Variants in PBRM1 observed in about 807,000 individuals in gnomAD.
The protein encoded by PBRM1 is polybromo 1.
A neutral mutation model predicts 194.5 loss-of-function variants in PBRM1; 27 were observed. That is an observed-to-expected ratio of 0.14 (90% confidence interval 0.10 to 0.19). PBRM1 has a LOEUF of 0.19. PBRM1 is among the 10% of genes least tolerant of loss of function. The probability of loss-of-function intolerance (pLI) is 1.00; values close to 1 mark genes in which losing one functional copy is unlikely to be tolerated. For synonymous variants in PBRM1, 655 were observed against 693.2 expected, an observed-to-expected ratio of 0.94 and a Z score of 0.87; for missense variants, 1,466 against 2,077.2, an observed-to-expected ratio of 0.71 and a Z score of 5.72.
upstream of PBRM1, among the ~76,000 whole-genome samples, chr3:52,683,718 T>C (rs1266387074): frequency 8.6e-5 from 11 of 127,918 alleles, no homozygotes; most frequent in African/African-American, 1.5e-4. Flanking sequence ...CTCGAGAGGG[T>C]GAGGCACGAG....
chr3:52,632,410 C>T (rs2095647405), intron 11 of PBRM1, among the ~76,000 whole-genome samples: 1 of 151,956 alleles, frequency 6.6e-6, no homozygotes, highest in Admixed American at 6.6e-5. Flanking sequence ...AAGACTTGGT[C>T]TCTACAAAAA....
chr3:52,552,414 T>C (rs1327248144), intron 27 of PBRM1, among the ~76,000 whole-genome samples: 1 of 152,170 alleles, frequency 6.6e-6, no homozygotes, highest in Non-Finnish European at 1.5e-5. Flanking sequence ...TTGTAGGCAC[T>C]AAGAGGGGGT....
chr3:52,631,203 ACTCACGCCT>A (rs1367195457), intron 11 of PBRM1, among the ~76,000 whole-genome samples: 12 of 152,028 alleles, frequency 7.9e-5, no homozygotes, highest in Middle Eastern at 6.8e-3. Flanking sequence ...AGGCGTGGTG[ACTCACGCCT>A]GTAATCCCAG....
intron 17 of PBRM1, among the ~76,000 whole-genome samples, chr3:52,591,511 GTTT>G (rs57736913): frequency 0.057 from 4,027 of 71,248 alleles, 32 homozygotes; most frequent in African/African-American, 0.17. Flanking sequence ...TTTTGTCTTT[GTTT>G]TTTTTTTTTT....
At position 52,617,543 on chromosome 3, in the gene PBRM1, T is replaced by TG. The variant is rs2095026759; in HGVS notation, c.1542-6dup. 1 of 1,592,696 alleles carries TG rather than the reference T, an allele frequency of 6.3e-7. No homozygotes were observed. Among genetic ancestry groups the TG allele is most frequent in the East Asian group, 2.2e-5 (1 of 44,770 alleles). On this transcript the variant is annotated splice_polypyrimidine_tract_variant and splice_region_variant and intron_variant, in intron 13 of 29. Transcript: ENST00000296302. ...TGCTTTCTTATGTTCTTTTTACTGT[T>TG]GAGGGGGAGGTAGAAAAGGGGAAAA...
chr3:52,636,165 C>G (rs1215069330), intron 10 of PBRM1, among the ~76,000 whole-genome samples: 1 of 151,934 alleles, frequency 6.6e-6, no homozygotes, highest in Non-Finnish European at 1.5e-5. Context: ...GCCACCACGC[C>G]CAGCCTAGAT....
At chr3:52,659,948 T>G (rs1437193975) in intron 4 of PBRM1, among the ~76,000 whole-genome samples, 1 of 152,096 alleles carries the variant, frequency 6.6e-6, no homozygotes, top group East Asian at 1.9e-4. Flanking sequence ...AAAAATTAGC[T>G]GGTGTGGTGA....
intron 26 of PBRM1, among the ~76,000 whole-genome samples, chr3:52,555,606 G>A (rs1021837086): frequency 1.3e-5 from 2 of 152,134 alleles, no homozygotes; most frequent in Non-Finnish European, 2.9e-5. Context: ...CAGACTTTAC[G>A]GAGGAATGGC....
upstream of PBRM1, among the ~76,000 whole-genome samples, chr3:52,683,144 AGT>A (rs2097238466): frequency 6.6e-6 from 1 of 151,990 alleles, no homozygotes; most frequent in Non-Finnish European, 1.5e-5. Context: ...CGGAGGTTGC[AGT>A]GAGCCGAGAT....
intron 2 of PBRM1, among the ~76,000 whole-genome samples, chr3:52,669,782 C>A (rs981901003): frequency 6.6e-6 from 1 of 152,130 alleles, no homozygotes; most frequent in African/African-American, 2.4e-5. Context: ...GATGCCCCAT[C>A]ACGCCTGATA....
intron 5 of PBRM1, among the ~76,000 whole-genome samples, chr3:52,654,462 A>C (rs142863305): frequency 5.3e-5 from 8 of 152,208 alleles, no homozygotes; most frequent in Non-Finnish European, 1.0e-4. Context: ...TTCCCAATCT[A>C]TCTCTCCCAT....
chr3:52,586,903 A>C (rs978238823), intron 19 of PBRM1, among the ~76,000 whole-genome samples: 2 of 152,162 alleles, frequency 1.3e-5, no homozygotes, highest in African/African-American at 2.4e-5. Flanking sequence ...ACACCCTTTA[A>C]ATTATAAAAA....
intron 13 of PBRM1, among the ~76,000 whole-genome samples, 160 bp from the exon 16 acceptor site, chr3:52,617,698 T>C (rs1233721928): frequency 6.6e-6 from 1 of 152,186 alleles, no homozygotes. Flanking sequence ...CTGGAAGTTA[T>C]AAGCAAATAT....
chr3:52,572,024 C>T (rs571959411), intron 22 of PBRM1, among the ~76,000 whole-genome samples: 3 of 150,714 alleles, frequency 2.0e-5, no homozygotes, highest in East Asian at 3.9e-4. Flanking sequence ...GATAACAAAG[C>T]GAGATCTTGT....
intron 13 of PBRM1, among the ~76,000 whole-genome samples, chr3:52,617,930 T>C (rs1486492841): frequency 6.6e-6 from 1 of 152,210 alleles, no homozygotes; most frequent in African/African-American, 2.4e-5. Flanking sequence ...ACGGTTATAA[T>C]ATCCTCACTT....
At chr3:52,594,391 C>T (rs1442458644) in intron 17 of PBRM1, among the ~76,000 whole-genome samples, 1 of 152,126 alleles carries the variant, frequency 6.6e-6, no homozygotes, top group Non-Finnish European at 1.5e-5. Context: ...AATGAGATTA[C>T]AACCCTTGCT....
At chr3:52,682,740 G>A (rs1419346784), upstream of PBRM1, among the ~76,000 whole-genome samples, 1 of 152,124 alleles carries the variant, frequency 6.6e-6, no homozygotes, top group Non-Finnish European at 1.5e-5. Flanking sequence ...CTGATTAGTT[G>A]ATGTAACCTC....
chr3:52,618,624 C>T (rs1272381812), intron 13 of PBRM1, among the ~76,000 whole-genome samples: 3 of 147,724 alleles, frequency 2.0e-5, no homozygotes, highest in South Asian at 2.1e-4. Flanking sequence ...GATGGAGTTC[C>T]GCTCTTGTTG....
chr3:52,566,265 G>A (rs1559918065), intron 22 of PBRM1, among the ~76,000 whole-genome samples: 1 of 152,108 alleles, frequency 6.6e-6, no homozygotes, highest in Admixed American at 6.5e-5. Flanking sequence ...TGCAGCTGCT[G>A]TGGAAAATAT....
Sources: allele counts gnomAD v4.1 joint callset (sites outside exome capture counted in the v4.1 genomes callset), GRCh38; gene constraint gnomAD v4.1.1; transcripts MANE v1.5; gene names NCBI Gene and HGNC (gene_info 2026-07-23, HGNC 2026-07-21).